JAKMIP2: variants seen among roughly 807,000 people sequenced by gnomAD.
The protein encoded by JAKMIP2 is janus kinase and microtubule-interacting protein 2.
JAKMIP2 carries 25 observed loss-of-function variants against 115.0 expected under a neutral mutation model. The observed-to-expected ratio is 0.22, with a 90% CI of 0.16 to 0.30. The LOEUF (loss-of-function observed/expected upper bound fraction) is 0.30, where lower values mean the gene tolerates loss of function less well. Among genes scored for constraint, JAKMIP2 ranks in the 10% least tolerant of loss-of-function variants. JAKMIP2 has a pLI of 1.00. For synonymous variants in JAKMIP2, 334 were observed against 343.6 expected (o/e 0.97, Z 0.31); for missense variants, 642 against 957.6 (o/e 0.67, Z 4.35).
chr5:147,714,632 A>T (rs904018936), intron 1 of JAKMIP2, among the ~76,000 whole-genome samples: 1 of 152,210 alleles, frequency 6.6e-6, no homozygotes, highest in Non-Finnish European at 1.5e-5. Context: ...ATCCCAGTGA[A>T]TACCAGCAAG....
intron 1 of JAKMIP2, among the ~76,000 whole-genome samples, chr5:147,684,571 G>C (rs1423419251): frequency 6.6e-6 from 1 of 152,162 alleles, no homozygotes; most frequent in East Asian, 1.9e-4. Context: ...GGAATAAATT[G>C]TAGATCACTG....
At chr5:147,609,324 T>C (rs1756189407) in intron 20 of JAKMIP2, among the ~76,000 whole-genome samples, 1 of 152,188 alleles carries the variant, frequency 6.6e-6, no homozygotes, top group East Asian at 1.9e-4. Flanking sequence ...CAGATTTCCT[T>C]TCCATATTTA....
chr5:147,755,132 A>G (rs570715188), intron 1 of JAKMIP2, among the ~76,000 whole-genome samples: 2 of 152,206 alleles, frequency 1.3e-5, no homozygotes, highest in African/African-American at 4.8e-5. Context: ...GACAAATCCA[A>G]GAGTTTTGAA....
At chr5:147,699,763 G>A (rs1257605518) in intron 1 of JAKMIP2, among the ~76,000 whole-genome samples, 1 of 152,212 alleles carries the variant, frequency 6.6e-6, no homozygotes, top group Non-Finnish European at 1.5e-5. Context: ...ACTGGGGATA[G>A]GCAACAAATG....
chr5:147,605,255 G>A (rs1755945077), intron 20 of JAKMIP2, among the ~76,000 whole-genome samples: 1 of 146,626 alleles, frequency 6.8e-6, no homozygotes, highest in Admixed American at 6.9e-5. Flanking sequence ...TGTCGCCCAG[G>A]CTGGAGTGCA....
intron 1 of JAKMIP2, among the ~76,000 whole-genome samples, chr5:147,758,264 C>T (rs986995294): frequency 1.3e-5 from 2 of 151,948 alleles, no homozygotes; most frequent in Non-Finnish European, 2.9e-5. Context: ...AATGTTGCAA[C>T]TAAAAAATTT....
At position 147,742,153 on chromosome 5, in the gene JAKMIP2, A is replaced by AC. The variant is rs1554084283; in HGVS notation, c.-149+40302_-149+40303insG. Among the ~76,000 whole-genome samples the AC allele has an allele frequency of 2.7e-5, 3 of 110,376 alleles. 1 individual carries two copies. The highest frequency in any genetic ancestry group is 1.2e-4 in the African/African-American group (3 of 25,722). 72.4% of individuals were successfully genotyped at this position (110,376 alleles called of 152,430 possible). A position where few individuals can be genotyped will look rare whatever the true frequency, so the allele number is the denominator to read the frequency against. On this transcript the variant is annotated intron_variant, in intron 1 of 21. Transcript: ENST00000616793. ...CCTGTGGATCATTATATATATATAT[A>AC]TATTTTTTTTACTATTGTATTGTAT...
intron 1 of JAKMIP2, among the ~76,000 whole-genome samples, chr5:147,747,947 G>T (rs1754406810): frequency 6.6e-6 from 1 of 152,062 alleles, no homozygotes; most frequent in East Asian, 1.9e-4. Context: ...TATTCTTCAA[G>T]GTGCATCTCA....
chr5:147,620,555 T>G (rs776218982), intron 18 of JAKMIP2, 111 bp downstream of exon 18: 3 of 608,108 alleles, frequency 4.9e-6, no homozygotes, highest in Non-Finnish European at 8.7e-6. Context: ...ATGAATGAAC[T>G]GCATGTCGTG....
chr5:147,641,116 C>A (rs1260582381), intron 8 of JAKMIP2, among the ~76,000 whole-genome samples: 2 of 152,136 alleles, frequency 1.3e-5, no homozygotes, highest in African/African-American at 4.8e-5. Context: ...GTGGTTTACT[C>A]TTTCCTGTAT....
intron 17 of JAKMIP2, among the ~76,000 whole-genome samples, chr5:147,622,496 C>A (rs1756900339): frequency 6.6e-6 from 1 of 152,208 alleles, no homozygotes; most frequent in Non-Finnish European, 1.5e-5. Flanking sequence ...TGAGTGGATT[C>A]ATATAGTATT....
chr5:147,612,478 T>C (rs1172281947), intron 19 of JAKMIP2, 107 bp from the exon 20 acceptor site: 1 of 618,264 alleles, frequency 1.6e-6, no homozygotes, highest in Non-Finnish European at 2.8e-6. Flanking sequence ...CCTGAATATT[T>C]GTACAAGCAG....
Position 147,631,439 on chromosome 5 carries a change from T to C in JAKMIP2, c.1849A>G (p.Ile617Val). 1 of 1,608,984 alleles carries C rather than the reference T, an allele frequency of 6.2e-7. No individual in the cohort carries two copies. Among genetic ancestry groups the C allele is most frequent in the South Asian group, 1.1e-5 (1 of 90,762 alleles). The change falls in exon 14 of 22, where the codon ATC becomes GTC. Residue 617 changes from isoleucine (I) to valine (V), a missense_variant. Ile to Val is a conservative substitution (Grantham distance 29). Coordinates refer to ENST00000616793, the MANE Select transcript of JAKMIP2 (RefSeq NM_001270941.2). The stretch of plus-strand genomic sequence containing the variant: ...TTAACACCTTCTTTCATACAGTAGA[T>C]CTGTAGAGCACTCACACCATCTGAG... ...PFSDGVSALQIYCMKEGVKDV... is the reference protein window; with the variant it reads ...PFSDGVSALQVYCMKEGVKDV...
At position 147,726,829 on chromosome 5, in the gene JAKMIP2, C is replaced by CTTA. The variant is rs542026267; in HGVS notation, c.-148-54876_-148-54875insTAA. 1.2e-3 allele frequency among the ~76,000 whole-genome samples: 182 copies of CTTA among 152,334 alleles called. 1 individual carries two copies. The highest frequency in any genetic ancestry group is 4.2e-3 in the African/African-American group (173 of 41,572). ...CCATATGGCAGTACTTTCTTTTAGT[C>CTTA]TCTGCTTATCCAGAGGACAGGAATT... On this transcript the variant is annotated intron_variant, in intron 1 of 21. Transcript: ENST00000616793.
At chr5:147,654,210 T>C (rs931651320) in intron 3 of JAKMIP2, among the ~76,000 whole-genome samples, 8 of 148,426 alleles carry the variant, frequency 5.4e-5, no homozygotes, top group African/African-American at 2.1e-4. Flanking sequence ...TTTGGTTCCA[T>C]ATGAAATTTA....
intron 20 of JAKMIP2, among the ~76,000 whole-genome samples, chr5:147,608,107 A>G (rs1756124644): frequency 6.6e-6 from 1 of 150,766 alleles, no homozygotes; most frequent in African/African-American, 2.4e-5. Context: ...TATTTTGTTG[A>G]TTTTTTCAAA....
At chr5:147,733,823 C>T (rs1753822430) in intron 1 of JAKMIP2, among the ~76,000 whole-genome samples, 1 of 152,180 alleles carries the variant, frequency 6.6e-6, no homozygotes, top group Admixed American at 6.5e-5. Flanking sequence ...CATAGTATTC[C>T]ATGGTGTATA....
intron 1 of JAKMIP2, among the ~76,000 whole-genome samples, chr5:147,770,862 C>A (rs1755324992): frequency 6.6e-6 from 1 of 151,778 alleles, no homozygotes; most frequent in Non-Finnish European, 1.5e-5. Context: ...AAAGTGAATC[C>A]TGGATTACAC....
intron 3 of JAKMIP2, among the ~76,000 whole-genome samples, chr5:147,659,902 G>A (rs578125570): frequency 5.5e-4 from 84 of 152,196 alleles, no homozygotes; most frequent in African/African-American, 1.9e-3. Context: ...AATGCTCTAT[G>A]GTAACCACCT....
Sources: gnomAD v4.1 joint callset for allele counts (sites outside exome capture counted in the v4.1 genomes callset) on GRCh38, gnomAD v4.1.1 for gene constraint, MANE v1.5 for transcripts, NCBI Gene and HGNC (gene_info 2026-07-23, HGNC 2026-07-21) for gene names.